JMJD1C: variants seen among roughly 807,000 people sequenced by gnomAD.
The protein encoded by JMJD1C is jumonji domain containing 1C, also known as jumonji domain-containing protein 1C.
A neutral mutation model predicts 245.3 loss-of-function variants in JMJD1C; 31 were observed. The ratio of observed to expected loss-of-function variants is 0.13; its 90% CI spans 0.09 to 0.17. JMJD1C has a LOEUF of 0.17. Ranked by LOEUF, JMJD1C falls within the 10% of genes least tolerant of loss-of-function variation. The pLI, the probability that JMJD1C is intolerant of heterozygous loss-of-function variation, is 1.00. For missense variants in JMJD1C, 2,691 were observed against 3,000.2 expected (o/e 0.90, Z 2.41); for synonymous variants, 1,057 against 1,017.4 (o/e 1.04, Z -0.74).
intron 2 of JMJD1C, among the ~76,000 whole-genome samples, chr10:63,349,880 T>A (rs1355723003): frequency 6.6e-6 from 1 of 152,158 alleles, no homozygotes; most frequent in Non-Finnish European, 1.5e-5. Flanking sequence ...TACCTGACAT[T>A]ACAGATTGAT....
In JMJD1C at chr10:63,191,034, T is replaced by G. The variant is rs747209324; in HGVS notation, c.6151A>C (p.Arg2051=). Residue 2051 remains arginine (R), a synonymous_variant, in exon 17 of 26, where the codon AGA becomes CGA. Transcript: ENST00000399262. ...TTCTGGGACACAAGAGGTGATGTTC[T>G]GCCATTTGGAGATTCAGAGTTGTCT... ...EQDNSESPNG[R]TSPLVSQNNE... 1 of 1,614,216 alleles carries G rather than the reference T, an allele frequency of 6.2e-7. No homozygotes were observed. Among genetic ancestry groups the G allele is most frequent in the African/African-American group, 1.3e-5 (1 of 75,080 alleles).
At chr10:63,363,449 G>A (rs1945576430) in intron 2 of JMJD1C, among the ~76,000 whole-genome samples, 1 of 151,172 alleles carries the variant, frequency 6.6e-6, no homozygotes, top group Non-Finnish European at 1.5e-5. Flanking sequence ...GTAGAGATGG[G>A]GTTTCACAAT....
chr10:63,377,110 G>A (rs1252015972), intron 2 of JMJD1C, among the ~76,000 whole-genome samples: 4 of 152,174 alleles, frequency 2.6e-5, no homozygotes, highest in Admixed American at 6.5e-5. Context: ...AGAAAATTGT[G>A]ACACATGGTT....
At chr10:63,419,961 C>T (rs1255906036) in intron 1 of JMJD1C, among the ~76,000 whole-genome samples, 1 of 151,286 alleles carries the variant, frequency 6.6e-6, no homozygotes, top group Non-Finnish European at 1.5e-5. Context: ...TATGGTGAAA[C>T]CCCGTCTCTA....
chr10:63,279,822 T>C (rs1224454940), intron 2 of JMJD1C, among the ~76,000 whole-genome samples: 1 of 152,128 alleles, frequency 6.6e-6, no homozygotes, highest in African/African-American at 2.4e-5. Context: ...CAATACATAT[T>C]ACATATACAT....
At chr10:63,284,867 A>T (rs1187630859) in intron 2 of JMJD1C, among the ~76,000 whole-genome samples, 75 of 59,390 alleles carry the variant, frequency 1.3e-3, no homozygotes, top group Admixed American at 0.011. Context: ...TCACACACAC[A>T]CACACACACA....
intron 22 of JMJD1C, among the ~76,000 whole-genome samples, chr10:63,178,237 G>A (rs1487725705): frequency 6.6e-6 from 1 of 152,056 alleles, no homozygotes; most frequent in Admixed American, 6.6e-5. Flanking sequence ...CACTGTCCCT[G>A]GCCAGATCAG....
intron 1 of JMJD1C, among the ~76,000 whole-genome samples, chr10:63,402,251 C>T (rs1302437972): frequency 6.6e-6 from 1 of 151,854 alleles, no homozygotes; most frequent in Non-Finnish European, 1.5e-5. Flanking sequence ...CACAAATCAT[C>T]AGAGAAATAA....
At chr10:63,223,144 AC>A in intron 3 of JMJD1C, 1 of 602,910 alleles carries the variant, frequency 1.7e-6, no homozygotes, top group Non-Finnish European at 2.8e-6. Flanking sequence ...AAAAAAAAAA[AC>A]CCAAACAAAC....
intron 18 of JMJD1C, among the ~76,000 whole-genome samples, chr10:63,187,716 T>C (rs1465927871): frequency 6.6e-6 from 1 of 152,206 alleles, no homozygotes; most frequent in East Asian, 1.9e-4. Flanking sequence ...GTTGGGATTA[T>C]AGGCAAGAGC....
upstream of JMJD1C, among the ~76,000 whole-genome samples, chr10:63,467,765 G>C (rs1243256012): frequency 2.0e-5 from 3 of 152,214 alleles, no homozygotes; most frequent in Non-Finnish European, 4.4e-5. Flanking sequence ...AAGGATAAAA[G>C]AGTAGGGAGA....
chr10:63,209,445 C>T (rs1252869122), intron 8 of JMJD1C, among the ~76,000 whole-genome samples: 1 of 152,036 alleles, frequency 6.6e-6, no homozygotes, highest in Non-Finnish European at 1.5e-5. Context: ...TTTTCCATAT[C>T]ATAATCAGTA....
At chr10:63,217,490 A>G (rs957697590) in intron 4 of JMJD1C, among the ~76,000 whole-genome samples, 159 bp from the exon 5 acceptor site, 3 of 152,168 alleles carry the variant, frequency 2.0e-5, no homozygotes, top group Admixed American at 6.5e-5. Flanking sequence ...CAAATGAATC[A>G]TTCTGAAGTT....
At chr10:63,407,839 A>G (rs984154314) in intron 1 of JMJD1C, among the ~76,000 whole-genome samples, 1 of 152,012 alleles carries the variant, frequency 6.6e-6, no homozygotes, top group South Asian at 2.1e-4. Context: ...AAACAGAAAA[A>G]AATCTTTAGC....
At chr10:63,269,852 C>A (rs1223703815) in intron 2 of JMJD1C, among the ~76,000 whole-genome samples, 1 of 152,092 alleles carries the variant, frequency 6.6e-6, no homozygotes, top group Non-Finnish European at 1.5e-5. Flanking sequence ...TAACATCTAT[C>A]TAAATTCTAG....
chr10:63,198,256 T>C (rs1227579677), intron 12 of JMJD1C, among the ~76,000 whole-genome samples: 1 of 152,190 alleles, frequency 6.6e-6, no homozygotes. Context: ...ATTTCTAAAG[T>C]GGGTTTAACA....
In JMJD1C at chr10:63,213,640, G is replaced by C. The variant is rs1847629403; in HGVS notation, c.2527C>G (p.His843Asp). The change falls in exon 8 of 26, where the codon CAT becomes GAT. Residue 843 changes from histidine (H) to aspartate (D), a missense_variant. By Grantham distance (81) the His-to-Asp change is moderately conservative. Around this residue, in one of 9 missense-constraint regions of JMJD1C, gnomAD observed 1,562 missense variants for 1,490.7 expected, o/e 1.05. Coordinates refer to ENST00000399262, the MANE Select transcript of JMJD1C (RefSeq NM_032776.3). ...QQQLLQHQSPHLLGQAHPSAS... is the reference protein window; with the variant it reads ...QQQLLQHQSPDLLGQAHPSAS... ...GAAGGATGGGCTTGTCCAAGAAGAT[G>C]AGGTGACTGGTGCTGTAACAACTGT... The C allele has an allele frequency of 6.2e-7, 1 of 1,614,214 alleles. No individual in the cohort carries two copies. The highest frequency in any genetic ancestry group is 8.5e-7 in the Non-Finnish European group (1 of 1,180,014).
intron 2 of JMJD1C, among the ~76,000 whole-genome samples, chr10:63,358,190 C>T (rs1244360205): frequency 6.6e-6 from 1 of 152,098 alleles, no homozygotes; most frequent in African/African-American, 2.4e-5. Context: ...TCCAAACTAT[C>T]ATCTATTTTA....
chr10:63,355,814 C>T (rs1944793198), intron 2 of JMJD1C, among the ~76,000 whole-genome samples: 1 of 151,732 alleles, frequency 6.6e-6, no homozygotes, highest in Non-Finnish European at 1.5e-5. Context: ...GATGGGCGCC[C>T]AGTGAGAAAG....
Sources: allele counts gnomAD v4.1 joint callset (sites outside exome capture counted in the v4.1 genomes callset), GRCh38; gene constraint gnomAD v4.1.1; regional missense constraint gnomAD v4.1.1; transcripts MANE v1.5; gene names NCBI Gene and HGNC (gene_info 2026-07-23, HGNC 2026-07-21).